Variants in CSMD1 observed in about 807,000 individuals in gnomAD.
CSMD1 encodes CUB and Sushi multiple domains 1.
In CSMD1, 213 loss-of-function variants were observed where a neutral mutation model predicts 417.5. The ratio of observed to expected loss-of-function variants is 0.51; its 90% CI spans 0.46 to 0.57. CSMD1 has a LOEUF of 0.57. Among genes scored for constraint, CSMD1 ranks in the 20% least tolerant of loss-of-function variants. The pLI is 0.00. For synonymous variants in CSMD1, 2,862 were observed against 1,736.8 expected (o/e 1.65, Z -16.11); for missense variants, 6,923 against 4,529.7 (o/e 1.53, Z -15.17).
chr8:3,329,606 C>A (rs949647062), intron 23 of CSMD1, among the ~76,000 whole-genome samples: 4 of 152,202 alleles, frequency 2.6e-5, no homozygotes, highest in African/African-American at 9.6e-5. Flanking sequence ...ATGAGTGCGT[C>A]CCCTTCACAG....
chr8:3,328,917 A>G (rs1806712221), intron 23 of CSMD1, among the ~76,000 whole-genome samples: 1 of 152,220 alleles, frequency 6.6e-6, no homozygotes, highest in East Asian at 1.9e-4. Flanking sequence ...TAAGACAGCA[A>G]GTATTTTATT....
chr8:4,891,464 G>T (rs957949899), intron 1 of CSMD1, among the ~76,000 whole-genome samples: 1 of 152,046 alleles, frequency 6.6e-6, no homozygotes, highest in African/African-American at 2.4e-5. Flanking sequence ...AGTTTACAAT[G>T]TTTTTCTTAA....
intron 5 of CSMD1, among the ~76,000 whole-genome samples, chr8:3,927,395 AGTGGCTCCTACCT>A (rs1308834961): frequency 9.9e-5 from 15 of 152,136 alleles, no homozygotes; most frequent in Non-Finnish European, 2.2e-4. Context: ...AGCCAGACAC[AGTGGCTCCTACCT>A]GTGGTCCCAA....
At chr8:4,668,428 ATTAT>A (rs1329916831) in intron 1 of CSMD1, among the ~76,000 whole-genome samples, 1 of 140,514 alleles carries the variant, frequency 7.1e-6, no homozygotes, top group Non-Finnish European at 1.5e-5. Flanking sequence ...TATTATTATT[ATTAT>A]TATTATTATT....
chr8:4,608,782 C>T (rs1402790303), intron 2 of CSMD1, among the ~76,000 whole-genome samples: 3 of 152,110 alleles, frequency 2.0e-5, no homozygotes, highest in Non-Finnish European at 4.4e-5. Flanking sequence ...TGGAAAATAC[C>T]TAGCTGAATG....
At chr8:4,875,946 A>G (rs7004000) in intron 1 of CSMD1, among the ~76,000 whole-genome samples, 132,212 of 152,102 alleles carry the variant, frequency 0.87, 57,742 homozygotes, top group East Asian at 0.96. Context: ...TTCTTCATTA[A>G]TAAGAGATGC....
At chr8:4,217,948 G>A (rs1024604228) in intron 3 of CSMD1, among the ~76,000 whole-genome samples, 3 of 152,136 alleles carry the variant, frequency 2.0e-5, no homozygotes, top group Non-Finnish European at 2.9e-5. Flanking sequence ...ATGTGCAGAG[G>A]CTCCAGGTAA....
rs187543456 is a variant in CSMD1 at position 4,295,471 on chromosome 8, T to C, written c.415+124482A>G. 3.9e-3 allele frequency among the ~76,000 whole-genome samples: 562 copies of C among 143,898 alleles called. 3 individuals carry two copies. Among genetic ancestry groups the C allele is most frequent in the African/African-American group, 0.013 (526 of 40,054 alleles). 94.4% of individuals were successfully genotyped at this position (143,898 alleles called of 152,430 possible). A position where few individuals can be genotyped will look rare whatever the true frequency, so the allele number is the denominator to read the frequency against. ...TTATTATACACATATAATCTTATTA[T>C]ACACATATAATCTTAAGATTAAATA... On this transcript the variant is annotated intron_variant, in intron 3 of 69. Coordinates refer to ENST00000635120, the MANE Select transcript of CSMD1 (RefSeq NM_033225.6).
chr8:3,711,232 G>A (rs574295032), intron 6 of CSMD1, among the ~76,000 whole-genome samples: 9 of 152,288 alleles, frequency 5.9e-5, no homozygotes, highest in African/African-American at 2.2e-4. Flanking sequence ...GAAGAAATAA[G>A]TCCAATGTGG....
At chr8:3,493,773 C>A (rs1046513430) in intron 10 of CSMD1, 47 bp from the exon 11 acceptor site, 1 of 1,504,930 alleles carries the variant, frequency 6.6e-7, no homozygotes, top group Non-Finnish European at 9.1e-7. Context: ...AGGTACTTCC[C>A]ATGACTTTTA....
At position 3,835,550 on chromosome 8, in the gene CSMD1, G is replaced by T. The variant is rs367994151; in HGVS notation, c.819-81508C>A. 2.6e-5 allele frequency among the ~76,000 whole-genome samples: 4 copies of T among 152,078 alleles called. No homozygotes were observed. In the South Asian group the frequency reaches 8.3e-4, roughly 32 times the overall value. ...ACATGGACACAGGAAAGGGAACATC[G>T]CACCTCAGGGACTGTTGTGGGGAGC... is the stretch of plus-strand genomic sequence containing the variant. On this transcript the variant is annotated intron_variant, in intron 5 of 69. Transcript: ENST00000635120.
At chr8:4,731,614 C>T (rs75753118) in intron 1 of CSMD1, among the ~76,000 whole-genome samples, 6,493 of 152,068 alleles carry the variant, frequency 0.043, 284 homozygotes, top group East Asian at 0.25. Flanking sequence ...AAAAATCAAC[C>T]CATCCCTGCA....
chr8:4,743,759 G>A, intron 1 of CSMD1, among the ~76,000 whole-genome samples: 1 of 152,306 alleles, frequency 6.6e-6, no homozygotes, highest in Non-Finnish European at 1.5e-5. Flanking sequence ...TACAGACCTT[G>A]AAGTTTTGCC....
At chr8:4,038,140 G>T (rs189793941) in intron 3 of CSMD1, among the ~76,000 whole-genome samples, 18 of 152,144 alleles carry the variant, frequency 1.2e-4, no homozygotes, top group Non-Finnish European at 1.8e-4. Context: ...GTCACTGATT[G>T]GTGACACAAA....
chr8:3,816,547 G>A (rs890091779), intron 5 of CSMD1, among the ~76,000 whole-genome samples: 1 of 152,108 alleles, frequency 6.6e-6, no homozygotes. Context: ...AAATATACAG[G>A]TTAATGGAAG....
At chr8:3,789,404 GTAAGTTTTTTTTTTT>G (rs1799610398) in intron 5 of CSMD1, among the ~76,000 whole-genome samples, 1 of 15,784 alleles carries the variant, frequency 6.3e-5, no homozygotes, top group South Asian at 6.2e-3. Context: ...TTTTTTTTAA[GTAAGTTTTTTTTTTT>G]TAAGTAGTGT....
chr8:4,353,959 TATG>T (rs1200416764), intron 3 of CSMD1, among the ~76,000 whole-genome samples: 1 of 152,166 alleles, frequency 6.6e-6, no homozygotes, highest in African/African-American at 2.4e-5. Context: ...ATCAGCCCTC[TATG>T]ATGATATATT....
chr8:4,211,752 G>A (rs1278125929), intron 3 of CSMD1, among the ~76,000 whole-genome samples: 1 of 152,282 alleles, frequency 6.6e-6, no homozygotes, highest in South Asian at 2.1e-4. Context: ...CCCTGCAAAT[G>A]TCAACCTCCT....
intron 3 of CSMD1, among the ~76,000 whole-genome samples, chr8:4,039,510 G>C (rs764152578): frequency 6.6e-6 from 1 of 152,138 alleles, no homozygotes; most frequent in African/African-American, 2.4e-5. Flanking sequence ...TGTAAAAGGA[G>C]AAGGTGCTGA....
Sources: allele counts gnomAD v4.1 joint callset (sites outside exome capture counted in the v4.1 genomes callset), GRCh38; gene constraint gnomAD v4.1.1; transcripts MANE v1.5; gene names NCBI Gene and HGNC (gene_info 2026-07-23, HGNC 2026-07-21).